Variants in FGF14 observed in about 807,000 individuals in gnomAD.
FGF14 encodes fibroblast growth factor homologous factor 4.
FGF14 carries 5 observed loss-of-function variants against 25.5 expected under a neutral mutation model. The observed-to-expected ratio is 0.20, with a 90% CI of 0.10 to 0.41. The LOEUF (loss-of-function observed/expected upper bound fraction) is 0.41, where lower values mean the gene tolerates loss of function less well. FGF14 is among the 10% of genes least tolerant of loss of function. FGF14 has a pLI of 1.00. For synonymous variants in FGF14, 138 were observed against 118.3 expected, an observed-to-expected ratio of 1.17 and a Z score of -1.08; for missense variants, 222 against 320.1, an observed-to-expected ratio of 0.69 and a Z score of 2.34.
chr13:102,037,390 G>A (rs1046181511), intron 1 of FGF14, among the ~76,000 whole-genome samples: 2 of 151,938 alleles, frequency 1.3e-5, no homozygotes, highest in African/African-American at 2.4e-5. Flanking sequence ...CTTGGCTCAT[G>A]GCCTCTCTCC....
intron 1 of FGF14, among the ~76,000 whole-genome samples, chr13:102,313,955 C>T (rs1054123295): frequency 2.0e-5 from 3 of 152,150 alleles, no homozygotes; most frequent in African/African-American, 4.8e-5. Context: ...GCAGAAAATG[C>T]AGCCATTACG....
intron 1 of FGF14, among the ~76,000 whole-genome samples, chr13:102,365,818 T>TA (rs2057695345): frequency 6.6e-6 from 1 of 152,172 alleles, no homozygotes; most frequent in Non-Finnish European, 1.5e-5. Flanking sequence ...TATGTGTCTG[T>TA]ATTTTTTGTA....
At chr13:102,160,044 T>C (rs1050414333) in intron 1 of FGF14, among the ~76,000 whole-genome samples, 1 of 152,218 alleles carries the variant, frequency 6.6e-6, no homozygotes, top group Non-Finnish European at 1.5e-5. Context: ...TATTCAAGGC[T>C]GTCTCCTCTC....
At chr13:101,779,703 G>C (rs1165371290) in intron 3 of FGF14, among the ~76,000 whole-genome samples, 1 of 152,114 alleles carries the variant, frequency 6.6e-6, no homozygotes, top group East Asian at 1.9e-4. Context: ...ATATTGCACT[G>C]AACACTATCA....
Position 102,233,379 on chromosome 13 carries a change from C to T in FGF14, c.208+168092G>A, listed in dbSNP as rs557378788. Among the ~76,000 whole-genome samples, 18 of 152,238 alleles carry T rather than the reference C, an allele frequency of 1.2e-4. 1 individual carries two copies. In the South Asian group the frequency reaches 2.3e-3, roughly 19 times the overall value. ...CTCCTGACCTCAGGCGATCCACCCACCTTGACCTTCCAAAGTGCTGGGATT... is the reference window on the plus strand; with the variant it reads ...CTCCTGACCTCAGGCGATCCACCCATCTTGACCTTCCAAAGTGCTGGGATT... On this transcript the variant is annotated intron_variant, in intron 1 of 4. Transcript: ENST00000376131.
chr13:101,870,341 C>T (rs188186639), intron 2 of FGF14, among the ~76,000 whole-genome samples: 37 of 152,052 alleles, frequency 2.4e-4, no homozygotes, highest in Admixed American at 1.3e-4. Flanking sequence ...GAATGGGCAC[C>T]ATAGAATAAT....
At chr13:102,225,420 A>G (rs1278079009) in intron 1 of FGF14, among the ~76,000 whole-genome samples, 1 of 152,174 alleles carries the variant, frequency 6.6e-6, no homozygotes, top group Non-Finnish European at 1.5e-5. Flanking sequence ...CAGGCTAATT[A>G]TTTCAAGCCC....
chr13:101,893,622 A>C (rs1418777212), intron 1 of FGF14, among the ~76,000 whole-genome samples: 1 of 152,156 alleles, frequency 6.6e-6, no homozygotes, highest in African/African-American at 2.4e-5. Context: ...TAATTATCAG[A>C]AAAATGCAAC....
chr13:102,036,378 A>G (rs777652876), intron 1 of FGF14, among the ~76,000 whole-genome samples: 1 of 152,152 alleles, frequency 6.6e-6, no homozygotes, highest in Non-Finnish European at 1.5e-5. Flanking sequence ...CATGACAGTT[A>G]GACGCAGAAC....
At chr13:102,229,785 T>C (rs576294807) in intron 1 of FGF14, among the ~76,000 whole-genome samples, 1 of 152,360 alleles carries the variant, frequency 6.6e-6, no homozygotes, top group South Asian at 2.1e-4. Context: ...TAGGATTTAA[T>C]GAAGACTAAA....
intron 1 of FGF14, among the ~76,000 whole-genome samples, chr13:102,231,890 A>G (rs563418558): frequency 6.6e-6 from 1 of 152,354 alleles, no homozygotes; most frequent in South Asian, 2.1e-4. Context: ...GCTAAACAAA[A>G]GAATGAATGC....
At chr13:102,259,827 C>T (rs902739348) in intron 1 of FGF14, among the ~76,000 whole-genome samples, 12 of 152,220 alleles carry the variant, frequency 7.9e-5, no homozygotes, top group African/African-American at 2.9e-4. Context: ...AGGAATCTGT[C>T]TCTGATTCCA....
chr13:102,362,899 G>A (rs891000603), intron 1 of FGF14, among the ~76,000 whole-genome samples: 2 of 152,034 alleles, frequency 1.3e-5, no homozygotes, highest in African/African-American at 2.4e-5. Context: ...ATCATATCAT[G>A]AAGGGAAAAA....
intron 1 of FGF14, among the ~76,000 whole-genome samples, chr13:102,279,439 T>C (rs2053716217): frequency 1.3e-5 from 2 of 152,350 alleles, no homozygotes; most frequent in Non-Finnish European, 1.5e-5. Context: ...TTACATTTAA[T>C]CAATTTAGTT....
At chr13:101,924,416 ACT>A (rs746216269) in intron 1 of FGF14, among the ~76,000 whole-genome samples, 1 of 152,042 alleles carries the variant, frequency 6.6e-6, no homozygotes. Context: ...TAAATTTCTG[ACT>A]CTGTTAAAGG....
At chr13:102,089,309 C>T (rs1338708198) in intron 1 of FGF14, among the ~76,000 whole-genome samples, 1 of 152,128 alleles carries the variant, frequency 6.6e-6, no homozygotes, top group Non-Finnish European at 1.5e-5. Flanking sequence ...AAATGTATTA[C>T]ATTCTATCCA....
At chr13:101,944,537 G>A (rs2035683555) in intron 1 of FGF14, among the ~76,000 whole-genome samples, 2 of 152,018 alleles carry the variant, frequency 1.3e-5, no homozygotes, top group South Asian at 2.1e-4. Context: ...TATCAAATAC[G>A]TATTAAAGAT....
chr13:102,184,103 A>G (rs931739427), intron 1 of FGF14, among the ~76,000 whole-genome samples: 1 of 152,190 alleles, frequency 6.6e-6, no homozygotes, highest in Non-Finnish European at 1.5e-5. Flanking sequence ...GGACTTGGTA[A>G]TGGAGCCCCT....
At chr13:102,288,570 A>T (rs917007638) in intron 1 of FGF14, among the ~76,000 whole-genome samples, 16 of 151,560 alleles carry the variant, frequency 1.1e-4, no homozygotes, top group Non-Finnish European at 1.8e-4. Context: ...TCATTTTTTT[A>T]AATTTATTTA....
Sources: allele counts gnomAD v4.1 joint callset (sites outside exome capture counted in the v4.1 genomes callset), GRCh38; gene constraint gnomAD v4.1.1; transcripts MANE v1.5; gene names NCBI Gene and HGNC (gene_info 2026-07-23, HGNC 2026-07-21).